Variants in MMP16 observed in about 807,000 individuals in gnomAD.
MMP16 encodes the protein matrix metalloproteinase-16.
Under a neutral mutation model 67.8 loss-of-function variants are expected in MMP16, and 12 were observed. The observed-to-expected ratio is 0.18, with a 90% confidence interval of 0.11 to 0.29. The LOEUF (loss-of-function observed/expected upper bound fraction) is 0.29. MMP16 is among the 10% of genes least tolerant of loss of function. The pLI, the probability that MMP16 is intolerant of heterozygous loss-of-function variation, is 1.00. For synonymous variants in MMP16, 249 were observed against 255.9 expected, an observed-to-expected ratio of 0.97 and a Z score of 0.26; for missense variants, 475 against 765.7, an observed-to-expected ratio of 0.62 and a Z score of 4.48.
At chr8:88,093,005 A>G (rs1808964063) in intron 6 of MMP16, among the ~76,000 whole-genome samples, 1 of 151,886 alleles carries the variant, frequency 6.6e-6, no homozygotes, top group African/African-American at 2.4e-5. Context: ...AATATTTCCA[A>G]ATATTCTAAG....
intron 4 of MMP16, among the ~76,000 whole-genome samples, chr8:88,149,470 C>T (rs1387174180): frequency 6.6e-6 from 1 of 152,162 alleles, no homozygotes; most frequent in Non-Finnish European, 1.5e-5. Flanking sequence ...TGTCTGACAG[C>T]TTTGAAGAGA....
chr8:88,039,230 A>C lies in MMP16; in HGVS notation c.*2231T>G, dbSNP rs1358489821. 5 of 149,920 alleles carry C rather than the reference A, an allele frequency of 3.3e-5. No homozygotes were observed. The East Asian group carries it at 7.7e-4, about 23-fold the overall frequency. The allele number at this position is 149,920 out of a possible 1,614,324, so 9.3% of individuals were successfully genotyped here. A position where few individuals can be genotyped will look rare whatever the true frequency, so the allele number is the denominator to read the frequency against. On this transcript the variant is annotated 3_prime_UTR_variant, in exon 10 of 10. Coordinates refer to ENST00000286614, the MANE Select transcript of MMP16 (RefSeq NM_005941.5). The surrounding 1 kb of genome is among the most constrained non-coding windows in gnomAD (Gnocchi z 4.5). ...GCTTTATATAAAAGCCACACTGGCC[A>C]TTCAAGTATTTGAGGTTTTTTTTTT...
At chr8:88,228,902 T>A (rs1249572548) in intron 1 of MMP16, among the ~76,000 whole-genome samples, 3 of 151,988 alleles carry the variant, frequency 2.0e-5, no homozygotes, top group African/African-American at 4.8e-5. Context: ...GGTTCATGCC[T>A]GTAACCTCAG....
intron 3 of MMP16, among the ~76,000 whole-genome samples, chr8:88,169,520 T>C (rs1219173202): frequency 2.0e-5 from 3 of 152,192 alleles, no homozygotes; most frequent in Admixed American, 2.0e-4. Context: ...AAAACTCTTT[T>C]GCCTTAAATT....
intron 4 of MMP16, among the ~76,000 whole-genome samples, chr8:88,159,247 T>A (rs1023466431): frequency 6.6e-6 from 1 of 152,214 alleles, no homozygotes; most frequent in East Asian, 1.9e-4. Flanking sequence ...ATCTATAAAT[T>A]ACCTTGGGCA....
chr8:88,117,293 A>C (rs948711972), intron 5 of MMP16, among the ~76,000 whole-genome samples: 3 of 152,174 alleles, frequency 2.0e-5, no homozygotes, highest in African/African-American at 4.8e-5. Context: ...TGAATCTAAA[A>C]TACCTATTGA....
At chr8:88,218,495 A>T (rs1447081348) in intron 1 of MMP16, among the ~76,000 whole-genome samples, 1 of 152,068 alleles carries the variant, frequency 6.6e-6, no homozygotes, top group Non-Finnish European at 1.5e-5. Context: ...TTACCACACA[A>T]GAAAAATTGC....
At chr8:88,169,196 T>C (rs899247769) in intron 3 of MMP16, among the ~76,000 whole-genome samples, 3 of 152,184 alleles carry the variant, frequency 2.0e-5, no homozygotes, top group African/African-American at 7.2e-5. Flanking sequence ...TTAAGACTTT[T>C]TATCAGCATG....
chr8:88,294,647 A>C (rs1382358423), intron 1 of MMP16, among the ~76,000 whole-genome samples: 1 of 152,158 alleles, frequency 6.6e-6, no homozygotes, highest in Non-Finnish European at 1.5e-5. Context: ...ACATATAGAC[A>C]TATATAAACA....
At chr8:88,295,422 A>G (rs991516080) in intron 1 of MMP16, among the ~76,000 whole-genome samples, 2 of 152,212 alleles carry the variant, frequency 1.3e-5, no homozygotes, top group Non-Finnish European at 2.9e-5. Context: ...GCAATACACA[A>G]TCTAAAAAGT....
chr8:88,275,345 C>G (rs1326529957), intron 1 of MMP16, among the ~76,000 whole-genome samples: 1 of 151,868 alleles, frequency 6.6e-6, no homozygotes, highest in East Asian at 1.9e-4. Context: ...TAAGCATAAA[C>G]AGTTATATAA....
chr8:88,041,789 G>A lies in MMP16; in HGVS notation c.1496C>T (p.Thr499Met), dbSNP rs760938151. The A allele has an allele frequency of 1.2e-6, 2 of 1,604,054 alleles. No individual in the cohort carries two copies. The highest frequency in any genetic ancestry group is 1.1e-5 in the South Asian group (1 of 89,922). Residue 499 changes from threonine to methionine, a missense_variant, in exon 10 of 10, where the codon ACG becomes ATG. Physicochemically the swap from Thr to Met is moderately conservative, Grantham distance 81. Coordinates refer to ENST00000286614, the MANE Select transcript of MMP16 (RefSeq NM_005941.5). The surrounding 1 kb of genome is among the most constrained non-coding windows in gnomAD (Gnocchi z 6.0). ...ATACTCCTTTCCTTTGTAGAAATAC[G>A]TAAAGCCTAGGGGGAAAAACATACA... ...GAFVHKENGF[T>M]YFYKGKEYWK... is the part of the protein sequence containing the mutation.
chr8:88,241,905 T>G (rs1417062249), intron 1 of MMP16, among the ~76,000 whole-genome samples: 1 of 152,136 alleles, frequency 6.6e-6, no homozygotes, highest in Admixed American at 6.5e-5. Flanking sequence ...TAAGTACTAT[T>G]TTTAGCTAAG....
intron 1 of MMP16, among the ~76,000 whole-genome samples, chr8:88,249,636 T>A (rs895184689): frequency 1.3e-5 from 2 of 152,112 alleles, no homozygotes; most frequent in African/African-American, 4.8e-5. Context: ...GCCCTTCACC[T>A]GGCTAGACAA....
At chr8:88,299,077 G>A (rs1014317852) in intron 1 of MMP16, among the ~76,000 whole-genome samples, 2 of 151,988 alleles carry the variant, frequency 1.3e-5, no homozygotes, top group African/African-American at 4.8e-5. Context: ...ACCTTCCATG[G>A]AAGAAAAGTC....
At chr8:88,165,289 A>G (rs959511002) in intron 4 of MMP16, among the ~76,000 whole-genome samples, 2 of 151,852 alleles carry the variant, frequency 1.3e-5, no homozygotes, top group African/African-American at 4.8e-5. Context: ...TTAAGACAAA[A>G]TATAGGGAAT....
At chr8:88,084,976 GT>G (rs1808810523) in intron 6 of MMP16, among the ~76,000 whole-genome samples, 2 of 151,852 alleles carry the variant, frequency 1.3e-5, no homozygotes, top group African/African-American at 2.4e-5. Context: ...ACAAAAATAT[GT>G]TTTGTGGCAT....
At chr8:88,078,255 T>C (rs1563525150) in intron 6 of MMP16, among the ~76,000 whole-genome samples, 2 of 152,180 alleles carry the variant, frequency 1.3e-5, no homozygotes. Context: ...CTGGAATTCC[T>C]ACTTAAACAC....
At chr8:88,295,682 G>A (rs1811001221) in intron 1 of MMP16, among the ~76,000 whole-genome samples, 1 of 152,048 alleles carries the variant, frequency 6.6e-6, no homozygotes, top group Non-Finnish European at 1.5e-5. Flanking sequence ...AATAAACATG[G>A]TGGTTTCTGG....
Sources: allele counts gnomAD v4.1 joint callset (sites outside exome capture counted in the v4.1 genomes callset), GRCh38; gene constraint gnomAD v4.1.1; non-coding constraint Gnocchi (gnomAD v3.1); transcripts MANE v1.5; gene names NCBI Gene and HGNC (gene_info 2026-07-23, HGNC 2026-07-21).